The following ANO3 variants were observed in gnomAD, a reference collection of about 807,000 sequenced individuals.
ANO3 encodes the protein anoctamin-3.
Under a neutral mutation model 144.8 loss-of-function variants are expected in ANO3, and 99 were observed. That is an observed-to-expected ratio of 0.68 (90% CI 0.58 to 0.81). ANO3 has a LOEUF of 0.81. Ranked by LOEUF, ANO3 falls within the 30% of genes least tolerant of loss-of-function variation. The pLI is 0.00. For synonymous variants in ANO3, 414 were observed against 392.6 expected (o/e 1.05, Z -0.64); for missense variants, 905 against 1,202.2 (o/e 0.75, Z 3.66).
chr11:26,521,410 G>C (rs1165946382), intron 6 of ANO3, among the ~76,000 whole-genome samples: 3 of 152,072 alleles, frequency 2.0e-5, no homozygotes. Context: ...CTTTCTGCAA[G>C]TTCTTTTCTT....
At chr11:26,563,391 CTCTCTG>C (rs1850376165) in intron 14 of ANO3, 7 of 840,856 alleles carry the variant, frequency 8.3e-6, no homozygotes, top group Non-Finnish European at 9.9e-6. Flanking sequence ...GTGTGTTTCT[CTCTCTG>C]TGTGTGTGTG....
intron 1 of ANO3, among the ~76,000 whole-genome samples, chr11:26,395,799 A>G (rs1449775522): frequency 6.6e-6 from 1 of 152,172 alleles, no homozygotes; most frequent in East Asian, 1.9e-4. Flanking sequence ...TTAACGCAAG[A>G]TAGATTAAAG....
At chr11:26,203,743 C>T (rs1202107241) in intron 1 of ANO3, among the ~76,000 whole-genome samples, 1 of 152,122 alleles carries the variant, frequency 6.6e-6, no homozygotes, top group African/African-American at 2.4e-5. Flanking sequence ...TATAATCTTG[C>T]ATCTACTGTT....
At chr11:26,272,454 C>A (rs1266075498) in intron 1 of ANO3, among the ~76,000 whole-genome samples, 1 of 152,070 alleles carries the variant, frequency 6.6e-6, no homozygotes, top group Non-Finnish European at 1.5e-5. Context: ...GTAAGTGCAG[C>A]CTTTACGTGA....
At chr11:26,448,872 C>G (rs1858808568) in intron 3 of ANO3, among the ~76,000 whole-genome samples, 1 of 150,588 alleles carries the variant, frequency 6.6e-6, no homozygotes, top group African/African-American at 2.5e-5. Context: ...GGTCCGTCTG[C>G]TACCTTCTGT....
At chr11:26,561,198 G>T (rs1186696050) in intron 14 of ANO3, 3 of 1,611,230 alleles carry the variant, frequency 1.9e-6, no homozygotes, top group Non-Finnish European at 1.7e-6. Flanking sequence ...CACATCATAA[G>T]GTTCCGGTGC....
At chr11:26,189,726 G>T (rs1042353297) in intron 1 of ANO3, among the ~76,000 whole-genome samples, 1 of 151,926 alleles carries the variant, frequency 6.6e-6, no homozygotes, top group Admixed American at 6.6e-5. Context: ...TCTCTCATTC[G>T]TATGCACAAT....
intron 17 of ANO3, among the ~76,000 whole-genome samples, chr11:26,609,575 C>T (rs1481928415): frequency 6.6e-6 from 1 of 152,036 alleles, no homozygotes. Flanking sequence ...AGCCTGCAAT[C>T]ACCGCTGCTT....
intron 1 of ANO3, among the ~76,000 whole-genome samples, chr11:26,379,362 ATCAC>A (rs1856517646): frequency 6.6e-6 from 1 of 152,202 alleles, no homozygotes; most frequent in African/African-American, 2.4e-5. Context: ...CCATTTGTAA[ATCAC>A]TCAAACTGCT....
intron 1 of ANO3, among the ~76,000 whole-genome samples, chr11:26,420,445 A>G (rs577269426): frequency 1.3e-5 from 2 of 152,160 alleles, no homozygotes; most frequent in African/African-American, 4.8e-5. Context: ...GCAGATATCT[A>G]AGGACTGCAA....
chr11:26,455,902 C>T (rs1178378420), intron 3 of ANO3, among the ~76,000 whole-genome samples: 1 of 151,662 alleles, frequency 6.6e-6, no homozygotes, highest in African/African-American at 2.4e-5. Flanking sequence ...CAGAACAGAG[C>T]CCTCAGAAAT....
chr11:26,332,462 T>G (rs1247754705), intron 1 of ANO3, 141 bp downstream of exon 1: 3 of 658,106 alleles, frequency 4.6e-6, no homozygotes, highest in Admixed American at 2.9e-5. Flanking sequence ...AAAAAAAAAT[T>G]AAATTCCTCT....
At chr11:26,565,594 T>C (rs771091437) in intron 14 of ANO3, 1 of 1,613,348 alleles carries the variant, frequency 6.2e-7, no homozygotes, top group Non-Finnish European at 8.5e-7. Context: ...GATGAGTTAC[T>C]GGAGAAATCT....
upstream of ANO3, chr11:26,332,102 G>A: frequency 1.4e-6 from 2 of 1,480,882 alleles, no homozygotes; most frequent in African/African-American, 1.4e-5. Flanking sequence ...GCGTTCCCAT[G>A]ACAACGACAC....
At chr11:26,627,351 T>C (rs1290951604) in intron 18 of ANO3, among the ~76,000 whole-genome samples, 1 of 151,830 alleles carries the variant, frequency 6.6e-6, no homozygotes, top group East Asian at 1.9e-4. Flanking sequence ...TGCTTGTCCT[T>C]CTTCTTTACT....
intron 1 of ANO3, among the ~76,000 whole-genome samples, chr11:26,244,664 T>G (rs1368594387): frequency 6.6e-6 from 1 of 152,198 alleles, no homozygotes; most frequent in Non-Finnish European, 1.5e-5. Flanking sequence ...AATGCATCAC[T>G]AGTTAACAGT....
At chr11:26,542,179 C>A in intron 11 of ANO3, 111 bp downstream of exon 11, 3 of 1,218,880 alleles carry the variant, frequency 2.5e-6, no homozygotes, top group South Asian at 3.8e-5. Flanking sequence ...TACAAAAAAG[C>A]AACCACTATA....
intron 4 of ANO3, among the ~76,000 whole-genome samples, chr11:26,507,051 C>T (rs1013297366): frequency 2.0e-5 from 3 of 151,958 alleles, no homozygotes; most frequent in African/African-American, 4.8e-5. Flanking sequence ...AGGAAAGTGG[C>T]GAAAGAAGGA....
chr11:26,259,641 AC>A lies in ANO3; in HGVS notation c.155-50003del, dbSNP rs201137694. Among the ~76,000 whole-genome samples, 535 of 151,766 alleles carry A rather than the reference AC, an allele frequency of 3.5e-3. 3 individuals carry two copies. The highest frequency in any genetic ancestry group is 0.012 in the African/African-American group (509 of 41,304). ...CTGAGATCATGCCACTGCACTCCAG[AC>A]TGTCAACAGAGCGAGACTCCATAAA... is the stretch of plus-strand genomic sequence containing the variant. On this transcript the variant is annotated intron_variant, in intron 1 of 27. Transcript: ENST00000672621.
Sources: allele counts gnomAD v4.1 joint callset (sites outside exome capture counted in the v4.1 genomes callset), GRCh38; gene constraint gnomAD v4.1.1; transcripts MANE v1.5; gene names NCBI Gene and HGNC (gene_info 2026-07-23, HGNC 2026-07-21).